The following STK32C variants were observed in gnomAD, a reference collection of about 807,000 sequenced individuals.
The protein encoded by STK32C is serine/threonine kinase 32C.
STK32C carries 31 observed loss-of-function variants against 56.5 expected under a neutral mutation model. The observed-to-expected ratio is 0.55, with a 90% CI of 0.41 to 0.74. The LOEUF (loss-of-function observed/expected upper bound fraction) is 0.74, where lower values mean the gene tolerates loss of function less well. Among genes scored for constraint, STK32C ranks in the 30% least tolerant of loss-of-function variants. STK32C has a pLI of 0.00. For missense variants in STK32C, 544 were observed against 676.9 expected, an observed-to-expected ratio of 0.80 and a Z score of 2.18; for synonymous variants, 309 against 289.4, an observed-to-expected ratio of 1.07 and a Z score of -0.69.
intron 1 of STK32C, among the ~76,000 whole-genome samples, chr10:132,275,532 C>A (rs1399765610): frequency 6.6e-6 from 1 of 152,232 alleles, no homozygotes; most frequent in Non-Finnish European, 1.5e-5. Context: ...TCCAGAATCA[C>A]CTCCGAGTCT....
chr10:132,228,181 T>C lies in STK32C; in HGVS notation c.319-53A>G, dbSNP rs771833006. ...ACGCCTGAGGACGCCTGGGGACACGTGGGGACACCTGGAAATGCATGGGGA... is the reference window on the plus strand; with the variant it reads ...ACGCCTGAGGACGCCTGGGGACACGCGGGGACACCTGGAAATGCATGGGGA... On this transcript the variant is annotated intron_variant, in intron 2 of 11. Coordinates refer to ENST00000298630, the MANE Select transcript of STK32C (RefSeq NM_173575.4). 12 of 1,612,112 alleles carry C rather than the reference T, an allele frequency of 7.4e-6. No individual in the cohort carries two copies. In the African/African-American group the frequency reaches 1.3e-4, roughly 18 times the overall value.
chr10:132,309,391 G>A (rs1299992330), upstream of STK32C, among the ~76,000 whole-genome samples: 1 of 152,120 alleles, frequency 6.6e-6, no homozygotes, highest in Non-Finnish European at 1.5e-5. Context: ...CACCCACCTG[G>A]ACATGCACCC....
chr10:132,319,082 G>A (rs1421669950), downstream of STK32C, among the ~76,000 whole-genome samples: 1 of 152,182 alleles, frequency 6.6e-6, no homozygotes, highest in Non-Finnish European at 1.5e-5. Flanking sequence ...CCAAGTAGCT[G>A]GGATTACAGG....
At chr10:132,305,940 G>A (rs1032755412) in intron 1 of STK32C, among the ~76,000 whole-genome samples, 26 of 152,226 alleles carry the variant, frequency 1.7e-4, no homozygotes, top group Non-Finnish European at 3.2e-4. Context: ...GTGGGACACC[G>A]TCAGCCGAAT....
intron 3 of STK32C, 98 bp from the exon 4 acceptor site, chr10:132,227,066 A>C (rs1590183039): frequency 7.2e-7 from 1 of 1,381,702 alleles, no homozygotes; most frequent in Non-Finnish European, 9.9e-7. Flanking sequence ...CCACAGCCCC[A>C]CCCCAGCATC....
chr10:132,296,792 G>A (rs757110537), intron 1 of STK32C, among the ~76,000 whole-genome samples: 1 of 152,226 alleles, frequency 6.6e-6, no homozygotes, highest in Non-Finnish European at 1.5e-5. Flanking sequence ...GAATGGCACC[G>A]ATCAGCAGGC....
In STK32C at chr10:132,307,936, G is replaced by A. The variant is rs2066130815; in HGVS notation, c.-103C>T. ...GGAGCGCTCGGGGCCGGCAGCGCCC[G>A]CCGTGCGCTCTTCTGGGCGGTGGAA... is the stretch of plus-strand genomic sequence containing the variant. On this transcript the variant is annotated 5_prime_UTR_variant, in exon 1 of 12. Transcript: ENST00000298630. This position sits in a 1 kb window ranked among gnomAD's most constrained non-coding sequence, Gnocchi z 4.4. The A allele has an allele frequency of 3.7e-6, 4 of 1,068,798 alleles. No homozygotes were observed. Among genetic ancestry groups the A allele is most frequent in the African/African-American group, 1.7e-5 (1 of 57,562 alleles). 66.2% of individuals were successfully genotyped at this position (1,068,798 alleles called of 1,614,324 possible).
At chr10:132,253,554 TGGAGGGAG>T in intron 1 of STK32C, among the ~76,000 whole-genome samples, 1 of 118,140 alleles carries the variant, frequency 8.5e-6, no homozygotes, top group African/African-American at 3.5e-5. Flanking sequence ...TCGAGGGAGC[TGGAGGGAG>T]TCGAGGGAGC....
At chr10:132,227,068 C>T (rs1454247197) in intron 3 of STK32C, 100 bp from the exon 4 acceptor site, 5 of 1,365,460 alleles carry the variant, frequency 3.7e-6, no homozygotes, top group Non-Finnish European at 5.0e-6. Flanking sequence ...ACAGCCCCAC[C>T]CCAGCATCAG....
In STK32C at chr10:132,254,746, G is replaced by A. The variant is rs574791472; in HGVS notation, c.263-8791C>T. 9.6e-5 allele frequency among the ~76,000 whole-genome samples: 14 copies of A among 146,468 alleles called. 3 individuals carry two copies. Among genetic ancestry groups the A allele is most frequent in the African/African-American group, 2.3e-4 (9 of 38,980 alleles). On this transcript the variant is annotated intron_variant, in intron 1 of 11. Transcript: ENST00000298630. ...CCCAGGAGAGTAAAATAAGCCTGCC[G>A]CAGGGCGCCGGGAATCAGCACTATG...
chr10:132,312,255 C>T (rs1590486714), upstream of STK32C, among the ~76,000 whole-genome samples: 1 of 152,116 alleles, frequency 6.6e-6, no homozygotes, highest in African/African-American at 2.4e-5. Context: ...GAAATCCACC[C>T]CACTCAGCCT....
At chr10:132,281,674 G>A (rs372156611) in intron 1 of STK32C, among the ~76,000 whole-genome samples, 4 of 152,220 alleles carry the variant, frequency 2.6e-5, no homozygotes, top group African/African-American at 9.6e-5. Flanking sequence ...GCACTGTTGC[G>A]GACAGGGAGT....
rs2062740313 is a variant in STK32C at position 132,223,054 on chromosome 10, C to G, written c.994-68G>C. On this transcript the variant is annotated intron_variant, in intron 8 of 11. Transcript: ENST00000298630. ...ACCAGCACGGAATAGCCCGCCACCC[C>G]CAGGCCAGGGCACCTTGAGGAGGGT... The G allele has an allele frequency of 1.5e-5, 23 of 1,511,814 alleles. 1 individual carries two copies. In the South Asian group the frequency reaches 2.7e-4, roughly 17 times the overall value. 93.6% of individuals were successfully genotyped at this position (1,511,814 alleles called of 1,614,324 possible).
chr10:132,324,329 A>G, exon 2 of STK32C: 1 of 779,604 alleles, frequency 1.3e-6, no homozygotes, highest in South Asian at 1.3e-5. Context: ...ACCATTCCAC[A>G]TCTTCCTGGC....
chr10:132,260,341 CACT>C (rs1164405563), intron 1 of STK32C, among the ~76,000 whole-genome samples: 1 of 152,200 alleles, frequency 6.6e-6, no homozygotes, highest in Admixed American at 6.5e-5. Context: ...GACACGGCAC[CACT>C]GAGAGCCAAC....
chr10:132,326,005 G>C, intron 1 of STK32C, among the ~76,000 whole-genome samples: 1 of 152,160 alleles, frequency 6.6e-6, no homozygotes, highest in East Asian at 1.9e-4. Flanking sequence ...ACAGGCATGA[G>C]CCACCACGCT....
At chr10:132,253,526 G>C (rs144084860) in intron 1 of STK32C, among the ~76,000 whole-genome samples, 1 of 123,216 alleles carries the variant, frequency 8.1e-6, no homozygotes, top group Non-Finnish European at 1.6e-5. Context: ...TGAGGGAGCC[G>C]GAGGGAGCTG....
chr10:132,251,982 C>G (rs985048903), intron 1 of STK32C, among the ~76,000 whole-genome samples: 3 of 145,174 alleles, frequency 2.1e-5, no homozygotes, highest in Admixed American at 6.8e-5. Flanking sequence ...GGGCCTCAGA[C>G]CCTCCACTAC....
intron 2 of STK32C, among the ~76,000 whole-genome samples, chr10:132,242,704 CACT>C (rs946860147): frequency 2.0e-5 from 3 of 152,222 alleles, no homozygotes; most frequent in South Asian, 2.1e-4. Flanking sequence ...TGGGGCCCAC[CACT>C]GTTTTGGGTG....
Sources: allele counts gnomAD v4.1 joint callset (sites outside exome capture counted in the v4.1 genomes callset), GRCh38; gene constraint gnomAD v4.1.1; non-coding constraint Gnocchi (gnomAD v3.1); transcripts MANE v1.5; gene names NCBI Gene and HGNC (gene_info 2026-07-23, HGNC 2026-07-21).